The following ADK variants were observed in gnomAD, a reference collection of about 807,000 sequenced individuals.
ADK encodes N6,N6-dimethyladenosine kinase.
A neutral mutation model predicts 44.7 loss-of-function variants in ADK; 24 were observed. That is an observed-to-expected ratio of 0.54 (90% CI 0.39 to 0.76). ADK has a LOEUF of 0.76. Ranked by LOEUF, ADK falls within the 30% of genes least tolerant of loss-of-function variation. The pLI is 0.00. For missense variants in ADK, 321 were observed against 425.1 expected (o/e 0.76, Z 2.15); for synonymous variants, 128 against 142.6 (o/e 0.90, Z 0.73).
chr10:74,217,418 T>C (rs1844093236), intron 2 of ADK, among the ~76,000 whole-genome samples: 1 of 152,228 alleles, frequency 6.6e-6, no homozygotes, highest in Non-Finnish European at 1.5e-5. Flanking sequence ...TTCCTGCCTC[T>C]GTAGGTTGCA....
intron 7 of ADK, among the ~76,000 whole-genome samples, chr10:74,560,243 C>A (rs923262755): frequency 6.6e-6 from 1 of 152,062 alleles, no homozygotes; most frequent in Admixed American, 6.6e-5. Flanking sequence ...ATTTTCGGTG[C>A]TTTTTTTGTA....
At chr10:74,371,964 AC>A (rs1194004901) in intron 4 of ADK, 1 of 933,906 alleles carries the variant, frequency 1.1e-6, no homozygotes, top group Non-Finnish European at 1.7e-6. Flanking sequence ...TAACCTATCT[AC>A]CGTTGCTTTG....
chr10:74,466,587 A>G (rs4746202), intron 6 of ADK, among the ~76,000 whole-genome samples: 1,902 of 152,226 alleles, frequency 0.012, 41 homozygotes, highest in African/African-American at 0.043. Context: ...CCCTTGCAGC[A>G]CTCGCAAGTC....
At chr10:74,212,156 G>A (rs180770960) in intron 2 of ADK, among the ~76,000 whole-genome samples, 61 of 152,242 alleles carry the variant, frequency 4.0e-4, no homozygotes, top group African/African-American at 1.4e-3. Context: ...CTAAATTATG[G>A]ATACTAAATG....
chr10:74,513,018 A>C (rs113635227), intron 6 of ADK, among the ~76,000 whole-genome samples: 1 of 151,968 alleles, frequency 6.6e-6, no homozygotes, highest in African/African-American at 2.4e-5. Context: ...TTCTTTATCC[A>C]TTGGTCATTC....
chr10:74,630,999 G>A (rs370311479), intron 9 of ADK, among the ~76,000 whole-genome samples: 4 of 150,958 alleles, frequency 2.6e-5, no homozygotes, highest in South Asian at 4.2e-4. Flanking sequence ...TTCTCAAATT[G>A]TCGTAGATTT....
intron 2 of ADK, among the ~76,000 whole-genome samples, chr10:74,208,313 T>C (rs1169654307): frequency 2.6e-5 from 4 of 152,266 alleles, no homozygotes; most frequent in African/African-American, 9.6e-5. Flanking sequence ...CCAGCTCCCA[T>C]GGGCTCTGTG....
At chr10:74,309,309 A>G (rs1409262318) in intron 3 of ADK, among the ~76,000 whole-genome samples, 1 of 152,108 alleles carries the variant, frequency 6.6e-6, no homozygotes, top group Non-Finnish European at 1.5e-5. Flanking sequence ...TCCAACCACA[A>G]AGTGTTTAAT....
At chr10:74,616,521 T>C (rs1183120586) in intron 9 of ADK, among the ~76,000 whole-genome samples, 1 of 152,228 alleles carries the variant, frequency 6.6e-6, no homozygotes, top group Non-Finnish European at 1.5e-5. Context: ...ACCTTTGTCA[T>C]GTTTCAGATG....
chr10:74,551,387 A>C (rs958491734), intron 7 of ADK: 1 of 152,488 alleles, frequency 6.6e-6, no homozygotes, highest in East Asian at 1.9e-4. Context: ...AATAAAGAAA[A>C]TATAGTCTGG....
intron 7 of ADK, among the ~76,000 whole-genome samples, chr10:74,540,086 A>G (rs920145478): frequency 6.6e-6 from 1 of 152,156 alleles, no homozygotes; most frequent in Non-Finnish European, 1.5e-5. Flanking sequence ...ATGCTTTTAA[A>G]TCATCCCCAA....
intron 6 of ADK, among the ~76,000 whole-genome samples, chr10:74,488,667 TGGA>T (rs1847361092): frequency 6.6e-6 from 1 of 151,346 alleles, no homozygotes; most frequent in Non-Finnish European, 1.5e-5. Context: ...ATGTCAGAAA[TGGA>T]GACATCTAAA....
chr10:74,658,295 CAGCCA>C lies in ADK; in HGVS notation c.878-11885_878-11881del, dbSNP rs144014907. The stretch of plus-strand genomic sequence containing the variant: ...TTTTCTATAGCTCCTCTTACCTAGG[CAGCCA>C]AGTTTTGTGCCCTGAGCCCTAGCTC... On this transcript the variant is annotated intron_variant, in intron 9 of 10. Transcript: ENST00000539909. Among the ~76,000 whole-genome samples the C allele has an allele frequency of 2.1e-3, 315 of 152,314 alleles. 1 individual carries two copies. Among genetic ancestry groups the C allele is most frequent in the African/African-American group, 7.1e-3 (295 of 41,562 alleles).
chr10:74,290,078 G>GCGCACA (rs113592873), intron 3 of ADK, among the ~76,000 whole-genome samples: 51,249 of 148,884 alleles, frequency 0.34, 9,960 homozygotes, highest in Non-Finnish European at 0.44. Flanking sequence ...CTACTCACGC[G>GCGCACA]CACACACACA....
intron 4 of ADK, among the ~76,000 whole-genome samples, chr10:74,367,363 G>A (rs1387165234): frequency 2.0e-5 from 3 of 152,130 alleles, no homozygotes. Context: ...CAGTTGGAAT[G>A]GACTTCAGGA....
intron 3 of ADK, among the ~76,000 whole-genome samples, chr10:74,288,628 T>C (rs903706071): frequency 1.4e-4 from 21 of 152,070 alleles, no homozygotes; most frequent in Non-Finnish European, 2.5e-4. Flanking sequence ...CCAGCCTGGG[T>C]GACAAGAGCG....
intron 9 of ADK, among the ~76,000 whole-genome samples, chr10:74,647,347 T>C (rs561089695): frequency 6.0e-4 from 91 of 152,274 alleles, no homozygotes; most frequent in African/African-American, 2.1e-3. Context: ...TGATAGTTAA[T>C]CTATTATTTT....
Position 74,224,080 on chromosome 10 carries a change from C to T in ADK, c.141-458C>T, listed in dbSNP as rs191621211. 2.0e-5 allele frequency among the ~76,000 whole-genome samples: 3 copies of T among 152,024 alleles called. No individual in the cohort carries two copies. The East Asian group carries it at 5.8e-4, about 29-fold the overall frequency. ...GTGACAGAGTGAGACTCTATCTCAA[C>T]AAATAAACAAACAAACAAAAAACAC... On this transcript the variant is annotated intron_variant, in intron 2 of 10. Coordinates refer to ENST00000539909, the MANE Select transcript of ADK (RefSeq NM_006721.4).
intron 3 of ADK, among the ~76,000 whole-genome samples, chr10:74,256,012 A>G (rs960862674): frequency 5.9e-5 from 9 of 152,160 alleles, no homozygotes; most frequent in Non-Finnish European, 4.4e-5. Context: ...AGGGAGTACA[A>G]AATCCTTTGG....
Sources: allele counts gnomAD v4.1 joint callset (sites outside exome capture counted in the v4.1 genomes callset), GRCh38; gene constraint gnomAD v4.1.1; transcripts MANE v1.5; gene names NCBI Gene and HGNC (gene_info 2026-07-23, HGNC 2026-07-21).